Variants in RSPO4 observed in about 807,000 individuals in gnomAD.
RSPO4 encodes the protein R-spondin-4.
Under a neutral mutation model 24.8 loss-of-function variants are expected in RSPO4, and 23 were observed. The observed-to-expected ratio is 0.93, with a 90% CI of 0.67 to 1.31. The LOEUF (loss-of-function observed/expected upper bound fraction) is 1.31. Ranked by LOEUF, RSPO4 falls within the 40% of genes most tolerant of loss-of-function variation. RSPO4 has a pLI of 0.00. For missense variants in RSPO4, 333 were observed against 316.5 expected (o/e 1.05, Z -0.39); for synonymous variants, 141 against 127.4 (o/e 1.11, Z -0.72).
intron 1 of RSPO4, among the ~76,000 whole-genome samples, chr20:986,862 G>T (rs1272758763): frequency 2.6e-5 from 4 of 152,082 alleles, no homozygotes; most frequent in Non-Finnish European, 5.9e-5. Flanking sequence ...AAAAAAGAAA[G>T]ACAAATAGGA....
rs1983950876 is a variant in RSPO4, at chr20:960,397, C to T, written c.665G>A (p.Arg222Lys). The change falls in exon 5 of 5, where the codon AGG becomes AAG. Residue 222 changes from arginine (R) to lysine (K), a missense_variant. Transcript: ENST00000217260. Reference sequence around the variant, plus strand: ...GGGCTGGCGCGGCCTCACGTCCAGCCTGCGGTCCAGCTTCCTGTCCTTGCG... The same window carrying T: ...GGGCTGGCGCGGCCTCACGTCCAGCTTGCGGTCCAGCTTCCTGTCCTTGCG... ...RPRKDRKLDR[R>K]LDVRPRQPGL... 1 of 1,539,012 alleles carries T rather than the reference C, an allele frequency of 6.5e-7. No individual in the cohort carries two copies. The highest frequency in any genetic ancestry group is 8.7e-7 in the Non-Finnish European group (1 of 1,147,458).
intron 1 of RSPO4, among the ~76,000 whole-genome samples, chr20:994,530 G>A (rs1251922526): frequency 6.6e-6 from 1 of 152,130 alleles, no homozygotes; most frequent in African/African-American, 2.4e-5. Context: ...GACAGCCTTG[G>A]ATGTGCGAAA....
intron 1 of RSPO4, among the ~76,000 whole-genome samples, chr20:985,442 A>G (rs1984889749): frequency 6.6e-6 from 1 of 152,238 alleles, no homozygotes; most frequent in South Asian, 2.1e-4. Context: ...GACCTGTAGA[A>G]ACATTTTAGA....
In RSPO4 at chr20:960,400, C is replaced by T. The variant is rs762295741; in HGVS notation, c.662G>A (p.Arg221His). ...CTGGCGCGGCCTCACGTCCAGCCTGCGGTCCAGCTTCCTGTCCTTGCGTGG... is the reference window on the plus strand; with the variant it reads ...CTGGCGCGGCCTCACGTCCAGCCTGTGGTCCAGCTTCCTGTCCTTGCGTGG... ...RRPRKDRKLD[R>H]RLDVRPRQPG... The change falls in exon 5 of 5, where the codon CGC becomes CAC. Residue 221 changes from arginine (R) to histidine (H), a missense_variant. Arg to His is a conservative substitution (Grantham distance 29, BLOSUM62 0). Transcript: ENST00000217260. The T allele has an allele frequency of 6.0e-5, 92 of 1,538,928 alleles. No homozygotes were observed. The highest frequency in any genetic ancestry group is 7.1e-5 in the Non-Finnish European group (82 of 1,147,420).
At chr20:991,153 C>T (rs1288329769) in intron 1 of RSPO4, among the ~76,000 whole-genome samples, 2 of 152,210 alleles carry the variant, frequency 1.3e-5, no homozygotes, top group African/African-American at 4.8e-5. Flanking sequence ...ATTGCCCGGG[C>T]TGGCCTCGAA....
chr20:1,000,439 C>G (rs974307317), intron 1 of RSPO4, among the ~76,000 whole-genome samples: 1 of 152,162 alleles, frequency 6.6e-6, no homozygotes, highest in Non-Finnish European at 1.5e-5. Context: ...TTAATACTTA[C>G]GAGCACCCAT....
rs6118410 is a variant in RSPO4, at chr20:970,091, C to T, written c.80-1953G>A. 0.031 allele frequency among the ~76,000 whole-genome samples: 4,707 copies of T among 152,238 alleles called. 171 individuals carry two copies. The highest frequency in any genetic ancestry group is 0.084 in the African/African-American group (3,474 of 41,524). On this transcript the variant is annotated intron_variant, in intron 1 of 4. Coordinates refer to ENST00000217260, the MANE Select transcript of RSPO4 (RefSeq NM_001029871.4). This position sits in a 1 kb window ranked among gnomAD's most constrained non-coding sequence, Gnocchi z 4.1. ...AGAAACCAAAAGAGTTCTGGCCCTCCTTTAAGTTGGCAGCAGGTGAGAGCT... is the reference window on the plus strand; with the variant it reads ...AGAAACCAAAAGAGTTCTGGCCCTCTTTTAAGTTGGCAGCAGGTGAGAGCT...
intron 1 of RSPO4, among the ~76,000 whole-genome samples, chr20:1,001,670 G>A (rs1334586986): frequency 6.6e-6 from 1 of 152,100 alleles, no homozygotes; most frequent in Admixed American, 6.5e-5. Context: ...GCCTCTGGAC[G>A]CCCAGCCCAA....
In RSPO4 at chr20:981,282, A is replaced by T. The variant is rs6108259; in HGVS notation, c.80-13144T>A. On this transcript the variant is annotated intron_variant, in intron 1 of 4. Transcript: ENST00000217260. This position sits in a 1 kb window ranked among gnomAD's most constrained non-coding sequence, Gnocchi z 4.6. ...GCTCACGCCTGTAATCCCAGCACTT[A>T]GGGAGGCTGAGGCAGGTAGATCATA... 0.16 allele frequency among the ~76,000 whole-genome samples: 24,858 copies of T among 152,076 alleles called. 5,006 individuals are homozygous for T. The highest frequency in any genetic ancestry group is 0.48 in the African/African-American group (19,932 of 41,432).
At chr20:990,193 G>A (rs1225039250) in intron 1 of RSPO4, among the ~76,000 whole-genome samples, 1 of 152,152 alleles carries the variant, frequency 6.6e-6, no homozygotes, top group African/African-American at 2.4e-5. Context: ...GCTTCCAAAG[G>A]CCGACAAATG....
rs1032617445 is a variant in RSPO4 at position 960,191 on chromosome 20, A to C, written c.*166T>G. 131 of 603,284 alleles carry C rather than the reference A, an allele frequency of 2.2e-4. No individual in the cohort carries two copies. The Middle Eastern group carries it at 4.6e-3, about 21-fold the overall frequency. The allele number at this position is 603,284 out of a possible 1,614,324, so 37.4% of individuals were successfully genotyped here. A position where few individuals can be genotyped will look rare whatever the true frequency, so the allele number is the denominator to read the frequency against. On this transcript the variant is annotated 3_prime_UTR_variant, in exon 5 of 5. Coordinates refer to ENST00000217260, the MANE Select transcript of RSPO4 (RefSeq NM_001029871.4). Reference sequence around the variant, plus strand: ...GAAGAAATAAAGGAAATAAAAAAGAAAAAGAAAGGGAAGGTAGACTGACAG... The same window carrying C: ...GAAGAAATAAAGGAAATAAAAAAGACAAAGAAAGGGAAGGTAGACTGACAG...
At chr20:968,229 T>G in intron 1 of RSPO4, 91 bp from the exon 2 acceptor site, 2 of 1,217,282 alleles carry the variant, frequency 1.6e-6, no homozygotes, top group Non-Finnish European at 1.2e-6. Flanking sequence ...CTCATTGGGA[T>G]AGTAACTGGG....
At chr20:999,652 G>A (rs1392461268) in intron 1 of RSPO4, among the ~76,000 whole-genome samples, 1 of 152,104 alleles carries the variant, frequency 6.6e-6, no homozygotes, top group African/African-American at 2.4e-5. Flanking sequence ...GTGTCCCAGA[G>A]GCAAGAGATC....
At chr20:967,029 G>T in intron 3 of RSPO4, 145 bp downstream of exon 3, 2 of 734,916 alleles carry the variant, frequency 2.7e-6, no homozygotes, top group Non-Finnish European at 4.4e-6. Flanking sequence ...GAGGTACCCA[G>T]TGTACCTGAC....
At chr20:991,464 C>G (rs1365111771) in intron 1 of RSPO4, among the ~76,000 whole-genome samples, 1 of 151,968 alleles carries the variant, frequency 6.6e-6, no homozygotes, top group Non-Finnish European at 1.5e-5. Flanking sequence ...GGATTGATAT[C>G]TAGGTAATAC....
At chr20:994,958 G>C (rs1226640446) in intron 1 of RSPO4, among the ~76,000 whole-genome samples, 2 of 152,194 alleles carry the variant, frequency 1.3e-5, no homozygotes, top group African/African-American at 4.8e-5. Flanking sequence ...GAGGCTCTGA[G>C]AGGCTCTCAA....
chr20:995,888 C>T (rs566740919), intron 1 of RSPO4, among the ~76,000 whole-genome samples: 3 of 152,202 alleles, frequency 2.0e-5, no homozygotes, highest in Non-Finnish European at 4.4e-5. Flanking sequence ...CGTGCACATG[C>T]ATGCACACAC....
At chr20:962,329 G>A (rs960213206) in intron 4 of RSPO4, among the ~76,000 whole-genome samples, 1 of 152,224 alleles carries the variant, frequency 6.6e-6, no homozygotes, top group East Asian at 1.9e-4. Flanking sequence ...GATGCAGGGA[G>A]CTACAGCGGG....
chr20:968,732 C>A (rs565507813), intron 1 of RSPO4, among the ~76,000 whole-genome samples: 6 of 152,336 alleles, frequency 3.9e-5, no homozygotes, highest in Admixed American at 2.0e-4. Flanking sequence ...CACCCTCCTG[C>A]TGGGTTCCTG....
Sources: allele counts gnomAD v4.1 joint callset (sites outside exome capture counted in the v4.1 genomes callset), GRCh38; gene constraint gnomAD v4.1.1; non-coding constraint Gnocchi (gnomAD v3.1); transcripts MANE v1.5; gene names NCBI Gene and HGNC (gene_info 2026-07-23, HGNC 2026-07-21).